CYP4X1: variants seen among roughly 807,000 people sequenced by gnomAD.
The protein encoded by CYP4X1 is cytochrome P450 family 4 subfamily X member 1, also known as cytochrome P450 4X1.
CYP4X1 carries 44 observed loss-of-function variants against 57.9 expected under a neutral mutation model. That is an observed-to-expected ratio of 0.76 (90% CI 0.60 to 0.98). The LOEUF (loss-of-function observed/expected upper bound fraction) is 0.98, where lower values mean the gene tolerates loss of function less well. Ranked by LOEUF, CYP4X1 falls within the 50% of genes least tolerant of loss-of-function variation. The probability of loss-of-function intolerance (pLI) is 0.00; values close to 1 mark genes in which losing one functional copy is unlikely to be tolerated. For missense variants in CYP4X1, 532 were observed against 623.9 expected, an observed-to-expected ratio of 0.85 and a Z score of 1.57; for synonymous variants, 227 against 228.6, an observed-to-expected ratio of 0.99 and a Z score of 0.06.
chr1:47,008,342 G>T, the CYP4X1 span, among the ~76,000 whole-genome samples: 1 of 152,170 alleles, frequency 6.6e-6, no homozygotes, highest in East Asian at 1.9e-4. Context: ...AAGTGAAGGA[G>T]AAATAAAATA....
At chr1:47,047,714 G>C (rs1214858797) in intron 9 of CYP4X1, among the ~76,000 whole-genome samples, 1 of 152,142 alleles carries the variant, frequency 6.6e-6, no homozygotes, top group Non-Finnish European at 1.5e-5. Flanking sequence ...CAGTTCTCCT[G>C]CCTCAGCCTC....
At chr1:46,963,911 A>G in the CYP4X1 span, among the ~76,000 whole-genome samples, 7 of 152,178 alleles carry the variant, frequency 4.6e-5, no homozygotes, top group Non-Finnish European at 1.0e-4. Context: ...CTCTTCACAT[A>G]GTCCCATATT....
the CYP4X1 span, among the ~76,000 whole-genome samples, chr1:47,001,452 G>A: frequency 5.3e-5 from 8 of 152,166 alleles, no homozygotes; most frequent in Non-Finnish European, 8.8e-5. Context: ...ATAATCAGGC[G>A]TTCCCTTTAT....
upstream of CYP4X1, among the ~76,000 whole-genome samples, chr1:47,022,184 AAAG>A (rs1450947491): frequency 1.3e-5 from 2 of 151,944 alleles, no homozygotes; most frequent in Admixed American, 1.3e-4. Context: ...GAAGTCTGGG[AAAG>A]AAGGAGCTGA....
Position 47,035,841 on chromosome 1 carries a change from A to G in CYP4X1, c.528A>G (p.Thr176=). Residue 176 remains threonine (T), a synonymous_variant, in exon 5 of 12, where the codon ACA becomes ACG. Transcript: ENST00000371901. ...KWEKICSTQD[T]SVEVYEHINS... is the part of the protein sequence containing the mutation. ...AGAAGATTTGCAGCACTCAGGACAC[A>G]AGCGTGGAGGTCTATGAGCACATCA... 1 of 1,613,490 alleles carries G rather than the reference A, an allele frequency of 6.2e-7. No individual in the cohort carries two copies. Among genetic ancestry groups the G allele is most frequent in the Non-Finnish European group, 8.5e-7 (1 of 1,179,700 alleles).
Position 47,048,623 on chromosome 1 carries a change from C to T in CYP4X1, c.1266C>T (p.Asn422=). Residue 422 remains asparagine, a synonymous_variant, in exon 10 of 12, where the codon AAC becomes AAT. Transcript: ENST00000371901. ...GLHHNPAVWK[N]PKVFDPLRFS... ...ACCACAACCCTGCTGTCTGGAAAAACCCAAAGGTATGATTCTCTCTTGTAC... is the reference window on the plus strand; with the variant it reads ...ACCACAACCCTGCTGTCTGGAAAAATCCAAAGGTATGATTCTCTCTTGTAC... The T allele has an allele frequency of 6.2e-7, 1 of 1,611,748 alleles. No homozygotes were observed. The highest frequency in any genetic ancestry group is 8.5e-7 in the Non-Finnish European group (1 of 1,179,392).
At chr1:47,016,799 C>T in the CYP4X1 span, among the ~76,000 whole-genome samples, 2 of 152,200 alleles carry the variant, frequency 1.3e-5, no homozygotes, top group African/African-American at 2.4e-5. Flanking sequence ...TTATTGACTA[C>T]AATCACCCTG....
intron 3 of CYP4X1, among the ~76,000 whole-genome samples, chr1:47,033,027 T>C (rs1176416937): frequency 6.6e-6 from 1 of 152,186 alleles, no homozygotes; most frequent in African/African-American, 2.4e-5. Context: ...AAACTGTTTC[T>C]CACAATATTA....
chr1:47,048,625 C>T lies in CYP4X1; in HGVS notation c.1268C>T (p.Pro423Leu). ...CACAACCCTGCTGTCTGGAAAAACC[C>T]AAAGGTATGATTCTCTCTTGTACAT... ...LHHNPAVWKN[P>L]KVFDPLRFSQ... Residue 423 changes from proline (P) to leucine (L), a missense_variant, in exon 10 of 12, where the codon CCA (proline) becomes CTA (leucine). Transcript: ENST00000371901. The T allele has an allele frequency of 6.2e-7, 1 of 1,611,778 alleles. No individual in the cohort carries two copies. The highest frequency in any genetic ancestry group is 8.5e-7 in the Non-Finnish European group (1 of 1,179,402).
chr1:47,000,642 T>C, the CYP4X1 span, among the ~76,000 whole-genome samples: 1 of 151,878 alleles, frequency 6.6e-6, no homozygotes, highest in African/African-American at 2.4e-5. Flanking sequence ...AAGACAGATA[T>C]AGGGGCAGAC....
At chr1:47,019,716 C>T (rs1323573675), upstream of CYP4X1, among the ~76,000 whole-genome samples, 1 of 152,162 alleles carries the variant, frequency 6.6e-6, no homozygotes, top group African/African-American at 2.4e-5. Flanking sequence ...ATGTTAAGGT[C>T]TCAGGACCTA....
the CYP4X1 span, among the ~76,000 whole-genome samples, chr1:47,000,204 T>C: frequency 1.3e-5 from 2 of 152,172 alleles, no homozygotes; most frequent in Non-Finnish European, 2.9e-5. Context: ...TTTCATGCTC[T>C]GTCCCTCACC....
the CYP4X1 span, among the ~76,000 whole-genome samples, chr1:47,006,760 G>C: frequency 6.6e-6 from 1 of 152,178 alleles, no homozygotes; most frequent in African/African-American, 2.4e-5. Flanking sequence ...AATGGTCTTA[G>C]CAAACGGCAC....
At chr1:47,046,932 TG>T (rs1644309233) in intron 9 of CYP4X1, among the ~76,000 whole-genome samples, 2 of 152,314 alleles carry the variant, frequency 1.3e-5, no homozygotes, top group Middle Eastern at 3.4e-3. Flanking sequence ...TGAAACTTCA[TG>T]GAAAATAGCA....
chr1:47,011,267 A>G, the CYP4X1 span, among the ~76,000 whole-genome samples: 3 of 152,230 alleles, frequency 2.0e-5, no homozygotes, highest in East Asian at 1.9e-4. Context: ...ATCTACATCC[A>G]TCTGATCTTT....
intron 4 of CYP4X1, among the ~76,000 whole-genome samples, chr1:47,034,546 A>G (rs969983424): frequency 5.9e-5 from 9 of 152,186 alleles, no homozygotes; most frequent in Admixed American, 2.0e-4. Flanking sequence ...CTGTTCCCAT[A>G]CAAACCTCTG....
the CYP4X1 span, among the ~76,000 whole-genome samples, chr1:46,975,113 A>G: frequency 1.4e-4 from 22 of 152,062 alleles, no homozygotes; most frequent in African/African-American, 4.8e-4. Context: ...TTGAGTTATT[A>G]TTGCCTGCAG....
At position 47,024,011 on chromosome 1, in the gene CYP4X1, A is replaced by G. The variant is rs958280970; in HGVS notation, c.177+17A>G. ...CACCAGAAGGTAGATGGGAGGGAGGAGGGAGGAAGGAGGAGGGAGGGGCGG... is the reference window on the plus strand; with the variant it reads ...CACCAGAAGGTAGATGGGAGGGAGGGGGGAGGAAGGAGGAGGGAGGGGCGG... On this transcript the variant is annotated intron_variant, in intron 1 of 11. Transcript: ENST00000371901. 1.9e-6 allele frequency: 3 copies of G among 1,604,942 alleles called. No individual in the cohort carries two copies. Among genetic ancestry groups the G allele is most frequent in the Non-Finnish European group, 2.6e-6 (3 of 1,175,082 alleles).
chr1:46,975,269 A>G, the CYP4X1 span, among the ~76,000 whole-genome samples: 1 of 152,078 alleles, frequency 6.6e-6, no homozygotes, highest in Non-Finnish European at 1.5e-5. Flanking sequence ...GTTGTGGTCT[A>G]TGTATTGAAG....
Sources: gnomAD v4.1 joint callset for allele counts (sites outside exome capture counted in the v4.1 genomes callset) on GRCh38, gnomAD v4.1.1 for gene constraint, MANE v1.5 for transcripts, NCBI Gene and HGNC (gene_info 2026-07-23, HGNC 2026-07-21) for gene names.